Variants in CFAP46 observed in about 807,000 individuals in gnomAD.
CFAP46 encodes cilia- and flagella-associated protein 46.
Under a neutral mutation model 325.7 loss-of-function variants are expected in CFAP46, and 245 were observed. The ratio of observed to expected loss-of-function variants is 0.75; its 90% CI spans 0.68 to 0.84. The LOEUF (loss-of-function observed/expected upper bound fraction) is 0.84. Among genes scored for constraint, CFAP46 ranks in the 40% least tolerant of loss-of-function variants. The probability of loss-of-function intolerance (pLI) is 0.00; values close to 1 mark genes in which losing one functional copy is unlikely to be tolerated. For missense variants in CFAP46, 3,346 were observed against 3,543.0 expected (o/e 0.94, Z 1.41); for synonymous variants, 1,523 against 1,495.9 (o/e 1.02, Z -0.42).
At chr10:132,816,135 T>C (rs1847688522) in intron 50 of CFAP46, among the ~76,000 whole-genome samples, 1 of 152,124 alleles carries the variant, frequency 6.6e-6, no homozygotes, top group South Asian at 2.1e-4. Flanking sequence ...CCAGGGGTTT[T>C]GCTACGTTGA....
At position 132,927,391 on chromosome 10, in the gene CFAP46, G is replaced by A. The variant is rs529781739; in HGVS notation, c.967-725C>T. Among the ~76,000 whole-genome samples the A allele has an allele frequency of 1.6e-3, 241 of 151,578 alleles. 2 individuals carry two copies. In the Middle Eastern group the frequency reaches 0.035, roughly 22 times the overall value. On this transcript the variant is annotated intron_variant, in intron 9 of 57. Coordinates refer to ENST00000368586, the MANE Select transcript of CFAP46 (RefSeq NM_001200049.3). Reference sequence around the variant, plus strand: ...CCTCCGTCCCGGGGAGCAGGTCCTCGGCGGCAGACGCCTCCGTCCCGGGGA... The same window carrying A: ...CCTCCGTCCCGGGGAGCAGGTCCTCAGCGGCAGACGCCTCCGTCCCGGGGA...
rs1337964713 is a variant in CFAP46 at position 132,931,256 on chromosome 10, C to T, written c.867-1452G>A. Among the ~76,000 whole-genome samples the T allele has an allele frequency of 4.1e-5, 4 of 97,292 alleles. No individual in the cohort carries two copies. The East Asian group carries it at 1.2e-3, about 28-fold the overall frequency. The allele number at this position is 97,292 out of a possible 152,430, so 63.8% of individuals were successfully genotyped here. A position where few individuals can be genotyped will look rare whatever the true frequency, so the allele number is the denominator to read the frequency against. ...GCCTGGGCCTTCCCCACACTCCCCA[C>T]GCAGAGCCTGGGCCTTCCCCACACT... is the stretch of plus-strand genomic sequence containing the variant. On this transcript the variant is annotated intron_variant, in intron 8 of 57. Transcript: ENST00000368586.
At chr10:132,842,595 T>C (rs745688982) in intron 44 of CFAP46, among the ~76,000 whole-genome samples, 2 of 152,262 alleles carry the variant, frequency 1.3e-5, no homozygotes, top group Non-Finnish European at 2.9e-5. Context: ...AAGTATTCAT[T>C]ATTGTTAACC....
chr10:132,857,049 C>T (rs1391612124), intron 39 of CFAP46, among the ~76,000 whole-genome samples: 1 of 152,232 alleles, frequency 6.6e-6, no homozygotes, highest in East Asian at 1.9e-4. Context: ...TTGCCCGATG[C>T]CCCAGGGATC....
chr10:132,861,068 G>GGGAGACAGAGAGGC, intron 35 of CFAP46, 86 bp from the exon 36 acceptor site: 1 of 1,307,278 alleles, frequency 7.6e-7, no homozygotes, highest in Non-Finnish European at 1.1e-6. Flanking sequence ...AGAAGGAAGA[G>GGGAGACAGAGAGGC]GGAGACAGAG....
At chr10:132,825,189 GCT>G (rs1255526703) in intron 50 of CFAP46, among the ~76,000 whole-genome samples, 1 of 145,560 alleles carries the variant, frequency 6.9e-6, no homozygotes, top group Non-Finnish European at 1.5e-5. Flanking sequence ...TGTGCTGTGT[GCT>G]GTGTGCGCTG....
chr10:132,910,348 G>A (rs1292058690), intron 19 of CFAP46, among the ~76,000 whole-genome samples: 2 of 152,198 alleles, frequency 1.3e-5, no homozygotes, highest in Non-Finnish European at 2.9e-5. Flanking sequence ...CCGCAGGAAG[G>A]AGCAGCTGAG....
chr10:132,824,013 C>A (rs111218078), intron 50 of CFAP46, among the ~76,000 whole-genome samples: 2,371 of 90,232 alleles, frequency 0.026, 152 homozygotes, highest in Non-Finnish European at 0.036. Flanking sequence ...TGTGTGTGTG[C>A]TGTGTGCTGT....
At chr10:132,888,018 T>TTCTCTCCTCTCCCCTCTTCTC (rs1849190866) in intron 25 of CFAP46, among the ~76,000 whole-genome samples, 1 of 93,972 alleles carries the variant, frequency 1.1e-5, no homozygotes, top group Non-Finnish European at 2.2e-5. Flanking sequence ...CTCTCCCCTC[T>TTCTCTCCTCTCCCCTCTTCTC]TCTCTCCTCT....
rs115050738 is a variant in CFAP46, at chr10:132,934,770, G to A, written c.848C>T (p.Pro283Leu). The A allele has an allele frequency of 1.7e-3, 2,674 of 1,605,734 alleles. 38 individuals are homozygous for A. The African/African-American group carries it at 0.032, about 19-fold the overall frequency. The change falls in exon 8 of 58, where the codon CCC (proline) becomes CTC (leucine). Residue 283 changes from proline to leucine, a missense_variant. Transcript: ENST00000368586. ...CACTTACTTTTCTTCACTGATAGAG[G>A]GAAAGCGCTGGTGGTTGTAATGACC... ...HLGHYNHQRF[P>L]SISEEKMLLL...
Position 132,920,188 on chromosome 10 carries a change from G to A in CFAP46, c.1607-6C>T, listed in dbSNP as rs977525712. 3.9e-6 allele frequency: 6 copies of A among 1,529,444 alleles called. No homozygotes were observed. The African/African-American group carries it at 8.4e-5, about 21-fold the overall frequency. The allele number at this position is 1,529,444 out of a possible 1,614,324, so 94.7% of individuals were successfully genotyped here. ...CCTGTTCTTCCCGGTGGAGACTGAG[G>A]GCGGAAATGCAAAGGCAGGTGTTGC... On this transcript the variant is annotated splice_polypyrimidine_tract_variant and splice_region_variant and intron_variant, in intron 13 of 57. Transcript: ENST00000368586.
chr10:132,916,329 G>T (rs1186033410), intron 17 of CFAP46, among the ~76,000 whole-genome samples: 5 of 152,326 alleles, frequency 3.3e-5, no homozygotes, highest in African/African-American at 4.8e-5. Flanking sequence ...TACGCCTGGG[G>T]TCTTGCGAGG....
chr10:132,904,295 C>T (rs887678805), intron 22 of CFAP46, among the ~76,000 whole-genome samples: 4 of 152,250 alleles, frequency 2.6e-5, no homozygotes, highest in South Asian at 2.1e-4. Context: ...AGCACGCCTG[C>T]GGGTTCTCTC....
In CFAP46 at chr10:132,828,078, C is replaced by A. The variant is rs183059339; in HGVS notation, c.7117+5280G>T. 6.6e-6 allele frequency among the ~76,000 whole-genome samples: 1 copy of A among 152,236 alleles called. No homozygotes were observed. Among genetic ancestry groups the A allele is most frequent in the South Asian group, 2.1e-4 (1 of 4,834 alleles). Reference sequence around the variant, plus strand: ...CGTGGCCGCACCCCAATGTGCTCATCGCCCACTGGGTGTCCAGGTGTCCGT... The same window carrying A: ...CGTGGCCGCACCCCAATGTGCTCATAGCCCACTGGGTGTCCAGGTGTCCGT... On this transcript the variant is annotated intron_variant, in intron 50 of 57. Coordinates refer to ENST00000368586, the MANE Select transcript of CFAP46 (RefSeq NM_001200049.3). This position sits in a 1 kb window ranked among gnomAD's most constrained non-coding sequence, Gnocchi z 4.9.
At chr10:132,899,910 G>C (rs1007493621) in intron 22 of CFAP46, among the ~76,000 whole-genome samples, 1 of 152,220 alleles carries the variant, frequency 6.6e-6, no homozygotes, top group Admixed American at 6.5e-5. Context: ...GAGTGCCCAC[G>C]TGTGGCCTGG....
At chr10:132,888,493 G>T (rs1294497445) in intron 25 of CFAP46, among the ~76,000 whole-genome samples, 11 of 18,716 alleles carry the variant, frequency 5.9e-4, no homozygotes, top group South Asian at 2.5e-3. Context: ...CCTGCCGCCT[G>T]TACCCCTGCC....
At chr10:132,881,150 G>A (rs1849037151) in intron 27 of CFAP46, 118 bp from the exon 28 acceptor site, 2 of 1,003,492 alleles carry the variant, frequency 2.0e-6, no homozygotes, top group Admixed American at 4.6e-5. Flanking sequence ...TACCCCCACA[G>A]TGATCATTTG....
At chr10:132,936,556 A>G (rs113000973) in intron 7 of CFAP46, among the ~76,000 whole-genome samples, 6,130 of 121,088 alleles carry the variant, frequency 0.051, 398 homozygotes, top group African/African-American at 0.16. Context: ...GCCCCCAAAT[A>G]CACTGTGATC....
chr10:132,869,276 G>A lies in CFAP46; in HGVS notation c.4608C>T (p.Ala1536=). The change falls in exon 33 of 58, where the codon GCC becomes GCT. Residue 1536 remains alanine (A), a splice_region_variant and synonymous_variant. Transcript: ENST00000368586. This position sits in a 1 kb window ranked among gnomAD's most constrained non-coding sequence, Gnocchi z 6.2. The stretch of plus-strand genomic sequence containing the variant: ...GCGCAGGGTGGGACGGCACACACCT[G>A]GCCTGCTCCAGCTCGCTGACGCACA... ...GQVCVSELEQ[A]SCRKEIALKK... is the part of the protein sequence containing the mutation. 1 of 1,534,004 alleles carries A rather than the reference G, an allele frequency of 6.5e-7. No homozygotes were observed. Among genetic ancestry groups the A allele is most frequent in the Non-Finnish European group, 8.8e-7 (1 of 1,140,824 alleles).
Sources: allele counts gnomAD v4.1 joint callset (sites outside exome capture counted in the v4.1 genomes callset), GRCh38; gene constraint gnomAD v4.1.1; non-coding constraint Gnocchi (gnomAD v3.1); transcripts MANE v1.5; gene names NCBI Gene and HGNC (gene_info 2026-07-23, HGNC 2026-07-21).